The following MGRN1 variants were observed in gnomAD, a reference collection of about 807,000 sequenced individuals.
The protein encoded by MGRN1 is mahogunin ring finger 1.
MGRN1 carries 29 observed loss-of-function variants against 69.2 expected under a neutral mutation model. The ratio of observed to expected loss-of-function variants is 0.42; its 90% confidence interval spans 0.31 to 0.57. The LOEUF is 0.57. Ranked by LOEUF, MGRN1 falls within the 20% of genes least tolerant of loss-of-function variation. The pLI is 0.15. For synonymous variants in MGRN1, 470 were observed against 344.2 expected (o/e 1.37, Z -4.04); for missense variants, 998 against 796.2 (o/e 1.25, Z -3.05).
rs553595587 is a variant in MGRN1 at position 4,653,152 on chromosome 16, C to G, written c.443+328C>G. ...CGCTGTCACCTGAACTTCTCAGCAA[C>G]CAGCCATAAATCAGGCTCCCACAGT... On this transcript the variant is annotated intron_variant, in intron 4 of 16. Transcript: ENST00000262370. Among the ~76,000 whole-genome samples, 3 of 152,314 alleles carry G rather than the reference C, an allele frequency of 2.0e-5. No individual in the cohort carries two copies. The East Asian group carries it at 5.8e-4, about 29-fold the overall frequency.
At chr16:4,664,607 C>T (rs1271572617) in intron 5 of MGRN1, 102 bp from the exon 6 acceptor site, 12 of 1,238,056 alleles carry the variant, frequency 9.7e-6, no homozygotes, top group Non-Finnish European at 1.4e-5. Flanking sequence ...CTGCTGCTGC[C>T]TCCTGCTCCT....
intron 5 of MGRN1, among the ~76,000 whole-genome samples, chr16:4,661,368 C>G (rs62037136): frequency 6.6e-6 from 1 of 152,236 alleles, no homozygotes; most frequent in Non-Finnish European, 1.5e-5. Flanking sequence ...GCACCCTTTT[C>G]TCCTGCACCC....
chr16:4,648,402 G>T (rs112150162), intron 1 of MGRN1, among the ~76,000 whole-genome samples: 2 of 72,490 alleles, frequency 2.8e-5, no homozygotes, highest in Non-Finnish European at 2.6e-5. Flanking sequence ...GGTCACCCGG[G>T]TCCTCCTCCC....
intron 13 of MGRN1, 95 bp downstream of exon 13, chr16:4,681,871 T>A: frequency 2.4e-6 from 3 of 1,266,342 alleles, no homozygotes; most frequent in Non-Finnish European, 3.2e-6. Context: ...TGTGATGTGT[T>A]CTGTGTGGCG....
At chr16:4,632,684 G>A (rs1334422461) in intron 1 of MGRN1, among the ~76,000 whole-genome samples, 2 of 152,098 alleles carry the variant, frequency 1.3e-5, no homozygotes, top group Non-Finnish European at 2.9e-5. Context: ...ATGAGCCACC[G>A]TGCCGGGACC....
intron 10 of MGRN1, chr16:4,677,228 C>A (rs2079071966): frequency 2.5e-6 from 1 of 404,510 alleles, no homozygotes; most frequent in African/African-American, 2.1e-5. Context: ...GGAGCGCCCC[C>A]TCCCTCTATT....
At chr16:4,631,611 G>C (rs1898004831) in intron 1 of MGRN1, among the ~76,000 whole-genome samples, 1 of 152,192 alleles carries the variant, frequency 6.6e-6, no homozygotes, top group Admixed American at 6.5e-5. Context: ...TAGACCAGCA[G>C]CACACTGGCT....
chr16:4,648,560 G>A (rs866542058), intron 1 of MGRN1, among the ~76,000 whole-genome samples: 19 of 94,208 alleles, frequency 2.0e-4, no homozygotes, highest in South Asian at 7.5e-4. Context: ...CCTCCCGGGG[G>A]CTCTTCCCGT....
intron 8 of MGRN1, among the ~76,000 whole-genome samples, chr16:4,669,961 C>A (rs1488514156): frequency 7.4e-6 from 1 of 135,368 alleles, no homozygotes; most frequent in Non-Finnish European, 1.7e-5. Context: ...AACAGTTACT[C>A]CGTGTGTACT....
chr16:4,660,177 G>A (rs568242992), intron 5 of MGRN1, among the ~76,000 whole-genome samples: 2 of 152,242 alleles, frequency 1.3e-5, no homozygotes, highest in African/African-American at 2.4e-5. Context: ...CATGTGTGGA[G>A]GGGCTGGGGG....
At chr16:4,627,354 G>A (rs551674534) in intron 1 of MGRN1, among the ~76,000 whole-genome samples, 1 of 152,330 alleles carries the variant, frequency 6.6e-6, no homozygotes, top group East Asian at 1.9e-4. Flanking sequence ...CTGCAGCAGC[G>A]CTCAGCTTGA....
intron 2 of MGRN1, chr16:4,651,231 G>A (rs2078400223): frequency 6.6e-6 from 1 of 152,310 alleles, no homozygotes; most frequent in African/African-American, 2.4e-5. Flanking sequence ...GCACATTCGA[G>A]TACTGTCATA....
chr16:4,681,825 G>T (rs778540042), intron 13 of MGRN1, 49 bp downstream of exon 13: 1 of 1,544,960 alleles, frequency 6.5e-7, no homozygotes, highest in Non-Finnish European at 8.8e-7. Context: ...GGTGGCGCGC[G>T]TGCGGAGCGG....
chr16:4,678,563 TGA>T (rs902494148), intron 11 of MGRN1, among the ~76,000 whole-genome samples: 22 of 148,460 alleles, frequency 1.5e-4, no homozygotes, highest in Middle Eastern at 6.9e-3. Context: ...AGAGACAGGG[TGA>T]GAGAGATGTG....
At chr16:4,657,187 C>T (rs985545288) in intron 4 of MGRN1, 59 bp from the exon 5 acceptor site, 27 of 1,500,938 alleles carry the variant, frequency 1.8e-5, no homozygotes, top group South Asian at 5.7e-5. Flanking sequence ...GTGGGAGGGA[C>T]GGGCACGGAG....
chr16:4,673,798 G>A (rs982391629), intron 10 of MGRN1, 141 bp downstream of exon 10: 19 of 1,144,006 alleles, frequency 1.7e-5, no homozygotes, highest in Non-Finnish European at 2.2e-5. Context: ...TGTGCTGAAC[G>A]TGGGCGTGTT....
intron 1 of MGRN1, among the ~76,000 whole-genome samples, chr16:4,646,117 T>C (rs1354890068): frequency 6.6e-6 from 1 of 151,968 alleles, no homozygotes; most frequent in East Asian, 1.9e-4. Context: ...CGGGGGGCTC[T>C]GGCTCACCAT....
At chr16:4,682,187 G>C (rs1304142025) in intron 13 of MGRN1, among the ~76,000 whole-genome samples, 3 of 152,206 alleles carry the variant, frequency 2.0e-5, no homozygotes, top group Non-Finnish European at 2.9e-5. Context: ...CTCAGGACCT[G>C]ACAGTGACCC....
chr16:4,678,741 C>G (rs868083354), intron 11 of MGRN1, among the ~76,000 whole-genome samples: 3 of 152,242 alleles, frequency 2.0e-5, no homozygotes, highest in Non-Finnish European at 4.4e-5. Flanking sequence ...TGGCTCTTAG[C>G]TGTGGCTGTT....
Sources: gnomAD v4.1 joint callset for allele counts (sites outside exome capture counted in the v4.1 genomes callset) on GRCh38, gnomAD v4.1.1 for gene constraint, MANE v1.5 for transcripts, NCBI Gene and HGNC (gene_info 2026-07-23, HGNC 2026-07-21) for gene names.